Variants in XKR9 observed in about 807,000 individuals in gnomAD.
XKR9 encodes the protein XK-related protein 9.
In XKR9, 32 loss-of-function variants were observed where a neutral mutation model predicts 32.0. The observed-to-expected ratio is 1.00, with a 90% CI of 0.76 to 1.34. The LOEUF (loss-of-function observed/expected upper bound fraction) is 1.34, where lower values mean the gene tolerates loss of function less well. XKR9 is among the 40% of genes most tolerant of loss of function. The probability of loss-of-function intolerance (pLI) is 0.00; values close to 1 mark genes in which losing one functional copy is unlikely to be tolerated. For missense variants in XKR9, 546 were observed against 429.7 expected, an observed-to-expected ratio of 1.27 and a Z score of -2.39; for synonymous variants, 168 against 143.4, an observed-to-expected ratio of 1.17 and a Z score of -1.22.
chr8:71,040,182 C>A, the XKR9 span, among the ~76,000 whole-genome samples: 1 of 152,038 alleles, frequency 6.6e-6, no homozygotes, highest in Non-Finnish European at 1.5e-5. Context: ...TTATTTTTCG[C>A]AATGTTGTGT....
chr8:70,678,835 G>C (rs1818968610), intron 2 of XKR9, among the ~76,000 whole-genome samples: 1 of 152,166 alleles, frequency 6.6e-6, no homozygotes, highest in Non-Finnish European at 1.5e-5. Context: ...AAAATGATAA[G>C]AACACAGTAA....
At chr8:70,695,559 T>C (rs1331734559) in intron 3 of XKR9, among the ~76,000 whole-genome samples, 1 of 152,016 alleles carries the variant, frequency 6.6e-6, no homozygotes, top group African/African-American at 2.4e-5. Context: ...TGCCACATTT[T>C]CTTAATCCAG....
At chr8:70,996,364 G>A in the XKR9 span, among the ~76,000 whole-genome samples, 1 of 152,084 alleles carries the variant, frequency 6.6e-6, no homozygotes, top group Non-Finnish European at 1.5e-5. Context: ...ACAACTTGTG[G>A]CAATTGATAG....
chr8:70,922,732 C>T, the XKR9 span, among the ~76,000 whole-genome samples: 6 of 152,334 alleles, frequency 3.9e-5, no homozygotes, highest in Non-Finnish European at 8.8e-5. Flanking sequence ...CCTTGTGTGG[C>T]ACATGACAAC....
chr8:70,835,540 G>T, the XKR9 span, among the ~76,000 whole-genome samples: 2 of 152,042 alleles, frequency 1.3e-5, no homozygotes, highest in African/African-American at 2.4e-5. Flanking sequence ...CTGTAGGCCA[G>T]TTAGGTTAAG....
At chr8:70,869,111 C>A in the XKR9 span, among the ~76,000 whole-genome samples, 2 of 152,196 alleles carry the variant, frequency 1.3e-5, no homozygotes, top group Non-Finnish European at 2.9e-5. Context: ...GAGTTCTGAA[C>A]TTTCCCACAT....
chr8:70,669,553 CGTTA>C lies in XKR9; in HGVS notation c.-361+16_-361+19del, dbSNP rs1221368112. 1.6e-5 allele frequency: 3 copies of C among 192,438 alleles called. No individual in the cohort carries two copies. Among genetic ancestry groups the C allele is most frequent in the Non-Finnish European group, 3.2e-5 (3 of 94,508 alleles). 11.9% of individuals were successfully genotyped at this position (192,438 alleles called of 1,614,324 possible). A position where few individuals can be genotyped will look rare whatever the true frequency, so the allele number is the denominator to read the frequency against. On this transcript the variant is annotated intron_variant, in intron 1 of 4. Coordinates refer to ENST00000408926, the MANE Select transcript of XKR9 (RefSeq NM_001011720.2). ...TTGGGAGACAGGTTTGGTAACCGTT[CGTTA>C]TTCAGTAATAAATGTCAGGAAGGAT...
At chr8:70,848,727 A>G in the XKR9 span, among the ~76,000 whole-genome samples, 1 of 151,234 alleles carries the variant, frequency 6.6e-6, no homozygotes, top group Non-Finnish European at 1.5e-5. Flanking sequence ...GCTCAAAATA[A>G]AGGGATGGAG....
the XKR9 span, among the ~76,000 whole-genome samples, chr8:70,834,268 A>G: frequency 6.6e-6 from 1 of 152,138 alleles, no homozygotes; most frequent in South Asian, 2.1e-4. Flanking sequence ...ATTTAATATA[A>G]GAAGCTTTAG....
rs923510954 is a variant in XKR9, at chr8:70,680,926, C to T, written c.-133C>T. 7.7e-6 allele frequency: 6 copies of T among 782,830 alleles called. No individual in the cohort carries two copies. In the African/African-American group the frequency reaches 1.0e-4, roughly 14 times the overall value. The allele number at this position is 782,830 out of a possible 1,614,324, so 48.5% of individuals were successfully genotyped here. ...TCCCATTTCATAATATTTATTCTTT[C>T]TTCTAAATAGATTTAGGGAGTAGAA... On this transcript the variant is annotated 5_prime_UTR_variant, in exon 3 of 5. Coordinates refer to ENST00000408926, the MANE Select transcript of XKR9 (RefSeq NM_001011720.2).
At chr8:70,936,524 A>G in the XKR9 span, among the ~76,000 whole-genome samples, 1 of 152,072 alleles carries the variant, frequency 6.6e-6, no homozygotes, top group African/African-American at 2.4e-5. Context: ...TTGTGAATTT[A>G]CCGGACACAT....
chr8:71,021,814 T>C, the XKR9 span, among the ~76,000 whole-genome samples: 1 of 152,228 alleles, frequency 6.6e-6, no homozygotes, highest in South Asian at 2.1e-4. Context: ...TGATGGTTTC[T>C]TTTGCTGTAC....
the XKR9 span, among the ~76,000 whole-genome samples, chr8:70,946,687 G>A: frequency 2.6e-5 from 4 of 152,282 alleles, no homozygotes; most frequent in East Asian, 1.9e-4. Flanking sequence ...AGTTTTGAGG[G>A]TGTGTTGAGT....
At chr8:70,806,872 AC>A in the XKR9 span, among the ~76,000 whole-genome samples, 1 of 152,324 alleles carries the variant, frequency 6.6e-6, no homozygotes, top group African/African-American at 2.4e-5. Context: ...AATTTCCCCA[AC>A]CTAGCAAGAC....
chr8:70,834,117 T>C, the XKR9 span, among the ~76,000 whole-genome samples: 1 of 152,132 alleles, frequency 6.6e-6, no homozygotes, highest in Non-Finnish European at 1.5e-5. Context: ...TTTCTCTCTT[T>C]TTATTCTATA....
At chr8:70,752,718 C>T (rs553139736) in intron 2 of XKR9, among the ~76,000 whole-genome samples, 106 of 152,140 alleles carry the variant, frequency 7.0e-4, no homozygotes, top group South Asian at 1.9e-3. Flanking sequence ...TTTCATCCAA[C>T]GAGAACAAAG....
the XKR9 span, among the ~76,000 whole-genome samples, chr8:70,848,518 T>C: frequency 6.6e-6 from 1 of 152,050 alleles, no homozygotes; most frequent in East Asian, 1.9e-4. Context: ...TGTTCACAGA[T>C]GGCATAATTT....
At chr8:71,062,892 C>T in the XKR9 span, among the ~76,000 whole-genome samples, 1 of 151,956 alleles carries the variant, frequency 6.6e-6, no homozygotes, top group East Asian at 1.9e-4. Context: ...AGAGGCAGTC[C>T]ATTGATTACA....
the XKR9 span, among the ~76,000 whole-genome samples, chr8:70,900,972 T>G: frequency 1.3e-5 from 2 of 152,336 alleles, no homozygotes; most frequent in East Asian, 3.9e-4. Flanking sequence ...TCCATGTCCC[T>G]ACGAAGGACA....
Sources: allele counts gnomAD v4.1 joint callset (sites outside exome capture counted in the v4.1 genomes callset), GRCh38; gene constraint gnomAD v4.1.1; transcripts MANE v1.5; gene names NCBI Gene and HGNC (gene_info 2026-07-23, HGNC 2026-07-21).